CFAP52: variants seen among roughly 807,000 people sequenced by gnomAD.
CFAP52 encodes the protein cilia- and flagella-associated protein 52.
In CFAP52, 57 loss-of-function variants were observed where a neutral mutation model predicts 70.5. The observed-to-expected ratio is 0.81, with a 90% confidence interval of 0.65 to 1.01. CFAP52 has a LOEUF of 1.01. CFAP52 is among the 50% of genes least tolerant of loss of function. CFAP52 has a pLI of 0.00. For synonymous variants in CFAP52, 267 were observed against 292.5 expected (o/e 0.91, Z 0.89); for missense variants, 785 against 788.5 (o/e 1.00, Z 0.05).
intron 7 of CFAP52, 84 bp from the exon 8 acceptor site, chr17:9,612,225 T>G: frequency 1.3e-6 from 2 of 1,507,410 alleles, no homozygotes; most frequent in Non-Finnish European, 1.8e-6. Flanking sequence ...TATGCCTGAT[T>G]TGTATCCTCT....
chr17:9,583,453 GAGA>G (rs1217164798), intron 1 of CFAP52, among the ~76,000 whole-genome samples: 4 of 151,884 alleles, frequency 2.6e-5, no homozygotes, highest in Admixed American at 1.3e-4. Flanking sequence ...TCTTTCGATG[GAGA>G]AGGAGATAGC....
In CFAP52 at chr17:9,585,540, G is replaced by T. The variant is rs539198381; in HGVS notation, c.71-233G>T. ...AAAAAAATTAGCCAGGTGTGGTGGCGGGTGCCTGTAATCCCAGCTACTCGG... is the reference window on the plus strand; with the variant it reads ...AAAAAAATTAGCCAGGTGTGGTGGCTGGTGCCTGTAATCCCAGCTACTCGG... On this transcript the variant is annotated intron_variant, in intron 1 of 13. Transcript: ENST00000352665. Among the ~76,000 whole-genome samples the T allele has an allele frequency of 3.9e-5, 6 of 152,036 alleles. No homozygotes were observed. In the East Asian group the frequency reaches 7.8e-4, roughly 20 times the overall value.
intron 3 of CFAP52, among the ~76,000 whole-genome samples, chr17:9,592,410 A>G (rs1383295652): frequency 6.6e-6 from 1 of 152,172 alleles, no homozygotes; most frequent in Non-Finnish European, 1.5e-5. Context: ...CAGAGGTTGC[A>G]GTGAGCCAAG....
rs1555544298 is a variant in CFAP52 at position 9,631,052 on chromosome 17, G to GAGAAAGGAAGAA, written c.1175-1830_1175-1829insGAAGAAAGAAAG. ...AAAGAGAGAGAGAGAGAGAGAGAGA[G>GAGAAAGGAAGAA]AGAAAGAAAGAAAGAAAGAAAGAAA... On this transcript the variant is annotated intron_variant, in intron 9 of 13. Transcript: ENST00000352665. 1.6e-4 allele frequency among the ~76,000 whole-genome samples: 6 copies of GAGAAAGGAAGAA among 37,950 alleles called. 1 individual carries two copies. The highest frequency in any genetic ancestry group is 1.0e-3 in the Admixed American group (3 of 2,924). 24.9% of individuals were successfully genotyped at this position (37,950 alleles called of 152,430 possible).
intron 9 of CFAP52, among the ~76,000 whole-genome samples, chr17:9,631,082 G>GAA (rs56818169): frequency 0.052 from 2,505 of 48,016 alleles, 107 homozygotes; most frequent in East Asian, 0.15. Context: ...AAGAAAGAAA[G>GAA]AGAAAGAAAG....
At chr17:9,593,939 T>C (rs920353731) in intron 3 of CFAP52, among the ~76,000 whole-genome samples, 1 of 152,092 alleles carries the variant, frequency 6.6e-6, no homozygotes, top group Admixed American at 6.5e-5. Flanking sequence ...CACTCCAGCC[T>C]GGGCAACAAG....
intron 1 of CFAP52, chr17:9,584,481 G>A (rs1384969963): frequency 4.2e-6 from 3 of 708,458 alleles, no homozygotes; most frequent in Admixed American, 4.4e-5. Context: ...AACACAATGT[G>A]TTGATAGACA....
chr17:9,638,240 G>A (rs375890438), intron 11 of CFAP52, among the ~76,000 whole-genome samples: 3 of 152,268 alleles, frequency 2.0e-5, no homozygotes, highest in African/African-American at 7.2e-5. Flanking sequence ...CCAAATGGTG[G>A]CCTCAGGACT....
intron 3 of CFAP52, among the ~76,000 whole-genome samples, chr17:9,593,305 A>G (rs928743374): frequency 3.3e-5 from 5 of 152,196 alleles, no homozygotes; most frequent in Non-Finnish European, 7.3e-5. Context: ...TATAGCTGCA[A>G]TTCTCACAAT....
intron 6 of CFAP52, among the ~76,000 whole-genome samples, chr17:9,602,791 T>A (rs905107003): frequency 2.6e-5 from 4 of 152,210 alleles, no homozygotes; most frequent in African/African-American, 9.6e-5. Context: ...TTTCCTGACT[T>A]TTTAATGATC....
At chr17:9,636,472 A>G (rs1180569222) in intron 11 of CFAP52, among the ~76,000 whole-genome samples, 1 of 152,134 alleles carries the variant, frequency 6.6e-6, no homozygotes, top group Non-Finnish European at 1.5e-5. Flanking sequence ...TGTGAACTTT[A>G]TTGTAGGAGT....
At chr17:9,588,831 C>T (rs1482602968) in intron 3 of CFAP52, among the ~76,000 whole-genome samples, 1 of 147,312 alleles carries the variant, frequency 6.8e-6, no homozygotes, top group Non-Finnish European at 1.5e-5. Context: ...GGAGTAATGG[C>T]ACAATCTCGG....
At chr17:9,615,005 T>C (rs1909851808) in intron 8 of CFAP52, among the ~76,000 whole-genome samples, 1 of 152,150 alleles carries the variant, frequency 6.6e-6, no homozygotes, top group Non-Finnish European at 1.5e-5. Context: ...AAGAAAGAAA[T>C]ACTGCAGTAA....
intron 1 of CFAP52, chr17:9,584,136 T>C: frequency 8.5e-7 from 1 of 1,172,092 alleles, no homozygotes; most frequent in East Asian, 6.2e-5. Context: ...GGTCAGCCCA[T>C]TCCCAGAGTT....
chr17:9,633,065 C>T (rs372837937), intron 10 of CFAP52, 32 bp downstream of exon 10: 107 of 1,608,080 alleles, frequency 6.7e-5, no homozygotes, highest in Non-Finnish European at 8.8e-5. Context: ...AAAAATAACG[C>T]TCTGTTTAGA....
At chr17:9,586,635 T>C (rs755670801) in intron 2 of CFAP52, 63 bp from the exon 3 acceptor site, 5 of 1,486,402 alleles carry the variant, frequency 3.4e-6, no homozygotes, top group Non-Finnish European at 4.5e-6. Context: ...CCAAGAAGGG[T>C]AGCTATCTCC....
At chr17:9,581,731 A>T (rs11869154) in intron 1 of CFAP52, among the ~76,000 whole-genome samples, 2,801 of 152,300 alleles carry the variant, frequency 0.018, 90 homozygotes, top group African/African-American at 0.063. Context: ...GATAGGTAGG[A>T]GCTGGTTCTA....
Position 9,600,111 on chromosome 17 carries a change from A to T in CFAP52, c.681A>T (p.Gly227=), listed in dbSNP as rs539162699. The T allele has an allele frequency of 2.5e-5, 41 of 1,613,964 alleles. No homozygotes were observed. The South Asian group carries it at 4.4e-4, about 17-fold the overall frequency. ...DSFFYLGTTT[G]DILKMNPRTK... is the part of the protein sequence containing the mutation. ...TTTTCTACCTTGGCACCACGACTGG[A>T]GATATTCTAAAAATGAACCCCAGGA... The change falls in exon 6 of 14, where the codon GGA becomes GGT. Residue 227 remains glycine (G), a synonymous_variant. Coordinates refer to ENST00000352665, the MANE Select transcript of CFAP52 (RefSeq NM_145054.5).
intron 4 of CFAP52, among the ~76,000 whole-genome samples, chr17:9,597,833 GAGAGAA>G (rs1359049090): frequency 1.4e-5 from 2 of 144,244 alleles, no homozygotes; most frequent in Non-Finnish European, 3.0e-5. Flanking sequence ...GAGAGAGAAA[GAGAGAA>G]AGAGAGAGAG....
Sources: gnomAD v4.1 joint callset for allele counts (sites outside exome capture counted in the v4.1 genomes callset) on GRCh38, gnomAD v4.1.1 for gene constraint, MANE v1.5 for transcripts, NCBI Gene and HGNC (gene_info 2026-07-23, HGNC 2026-07-21) for gene names.